The following GPD1L variants were observed in gnomAD, a reference collection of about 807,000 sequenced individuals.
GPD1L encodes the protein glycerol-3-phosphate dehydrogenase 1 like.
GPD1L carries 17 observed loss-of-function variants against 32.9 expected under a neutral mutation model. The observed-to-expected ratio is 0.52, with a 90% CI of 0.35 to 0.78. GPD1L has a LOEUF of 0.78. GPD1L is among the 30% of genes least tolerant of loss of function. GPD1L has a pLI of 0.01. For missense variants in GPD1L, 361 were observed against 447.8 expected (o/e 0.81, Z 1.75); for synonymous variants, 187 against 165.9 (o/e 1.13, Z -0.98).
Position 32,165,913 on chromosome 3 carries a change from T to C in GPD1L, c.*3T>C. 2 of 1,517,850 alleles carry C rather than the reference T, an allele frequency of 1.3e-6. No individual in the cohort carries two copies. The highest frequency in any genetic ancestry group is 1.8e-6 in the Non-Finnish European group (2 of 1,091,908). The allele number at this position is 1,517,850 out of a possible 1,614,324, so 94.0% of individuals were successfully genotyped here. A position where few individuals can be genotyped will look rare whatever the true frequency, so the allele number is the denominator to read the frequency against. ...AGAGCCATCCAGAGCATACATAAAG[T>C]GAATCATGCAACGTGTTGGGGGAAG... On this transcript the variant is annotated 3_prime_UTR_variant, in exon 8 of 8. Coordinates refer to ENST00000282541, the MANE Select transcript of GPD1L (RefSeq NM_015141.4).
chr3:32,127,135 C>G lies in GPD1L; in HGVS notation c.48-941C>G, dbSNP rs146989768. 4.3e-4 allele frequency among the ~76,000 whole-genome samples: 65 copies of G among 152,280 alleles called. No individual in the cohort carries two copies. The East Asian group carries it at 0.011, about 26-fold the overall frequency. ...CTTGGCCGCCCCCGCCTTTTGTTGT[C>G]ACCCCCTACTCCATCTCATCAATTT... On this transcript the variant is annotated intron_variant, in intron 1 of 7. Transcript: ENST00000282541.
intron 1 of GPD1L, among the ~76,000 whole-genome samples, chr3:32,108,214 C>T (rs138717761): frequency 1.7e-3 from 255 of 152,048 alleles, no homozygotes; most frequent in African/African-American, 5.8e-3. Context: ...GGCAAAACCC[C>T]GCCTCTACAA....
chr3:32,131,739 T>C (rs1043935640), intron 2 of GPD1L, among the ~76,000 whole-genome samples: 1 of 152,248 alleles, frequency 6.6e-6, no homozygotes, highest in Non-Finnish European at 1.5e-5. Flanking sequence ...ATACAATGTT[T>C]TGTATGAACA....
At chr3:32,149,226 A>G (rs73063448) in intron 5 of GPD1L, among the ~76,000 whole-genome samples, 1,605 of 152,172 alleles carry the variant, frequency 0.011, 16 homozygotes, top group Non-Finnish European at 0.016. Flanking sequence ...TGCCCGACTA[A>G]TTTTGTTTAT....
chr3:32,140,688 A>G (rs1311118367), intron 4 of GPD1L, among the ~76,000 whole-genome samples: 1 of 152,162 alleles, frequency 6.6e-6, no homozygotes, highest in Non-Finnish European at 1.5e-5. Flanking sequence ...CATCCATGGT[A>G]GGGGTCCCCT....
At chr3:32,123,707 C>T (rs564404910) in intron 1 of GPD1L, among the ~76,000 whole-genome samples, 3 of 151,610 alleles carry the variant, frequency 2.0e-5, no homozygotes, top group East Asian at 1.9e-4. Context: ...GACAGACAGA[C>T]AGATAGATAG....
At chr3:32,141,854 A>G (rs1700749026) in intron 4 of GPD1L, among the ~76,000 whole-genome samples, 1 of 152,092 alleles carries the variant, frequency 6.6e-6, no homozygotes, top group African/African-American at 2.4e-5. Flanking sequence ...ACATGGGTGT[A>G]TTGCATGATG....
At chr3:32,116,599 G>T (rs184426463) in intron 1 of GPD1L, among the ~76,000 whole-genome samples, 79 of 152,218 alleles carry the variant, frequency 5.2e-4, no homozygotes, top group African/African-American at 1.9e-3. Context: ...ATAGCAAGCT[G>T]GGGTGGGGAT....
Position 32,154,385 on chromosome 3 carries a change from A to C in GPD1L, c.619-4491A>C, listed in dbSNP as rs11707183. On this transcript the variant is annotated intron_variant, in intron 5 of 7. Coordinates refer to ENST00000282541, the MANE Select transcript of GPD1L (RefSeq NM_015141.4). ...CTTTTCTGAGTACAGCAACATAGAA[A>C]CACTGCTTTGGAGCTCAGGGCCTGT... Among the ~76,000 whole-genome samples, 3 of 151,966 alleles carry C rather than the reference A, an allele frequency of 2.0e-5. No individual in the cohort carries two copies. The East Asian group carries it at 5.8e-4, about 29-fold the overall frequency.
intron 4 of GPD1L, among the ~76,000 whole-genome samples, chr3:32,144,973 G>A (rs1248490674): frequency 6.6e-6 from 1 of 151,244 alleles, no homozygotes; most frequent in Non-Finnish European, 1.5e-5. Flanking sequence ...CAAAGTGCTG[G>A]GATTACAGGC....
At chr3:32,121,578 T>C (rs1418271124) in intron 1 of GPD1L, among the ~76,000 whole-genome samples, 1 of 109,528 alleles carries the variant, frequency 9.1e-6, no homozygotes, top group African/African-American at 4.3e-5. Context: ...TATATTTCTA[T>C]ATATATATTT....
chr3:32,137,020 A>C (rs1391067026), intron 2 of GPD1L, among the ~76,000 whole-genome samples: 4 of 152,178 alleles, frequency 2.6e-5, no homozygotes, highest in Non-Finnish European at 4.4e-5. Context: ...ACTAGCGACC[A>C]GCTTACAGGT....
intron 5 of GPD1L, among the ~76,000 whole-genome samples, chr3:32,148,360 C>T (rs539691502): frequency 3.8e-4 from 58 of 152,074 alleles, no homozygotes; most frequent in Non-Finnish European, 7.5e-4. Flanking sequence ...TTCATTTTTG[C>T]TGGCAGGAAG....
chr3:32,127,279 C>G (rs1559572735), intron 1 of GPD1L, among the ~76,000 whole-genome samples: 1 of 152,188 alleles, frequency 6.6e-6, no homozygotes, highest in African/African-American at 2.4e-5. Flanking sequence ...AAGAAACAAA[C>G]TGTTTCTCAG....
intron 2 of GPD1L, among the ~76,000 whole-genome samples, chr3:32,137,834 A>G (rs1700688664): frequency 6.6e-6 from 1 of 152,194 alleles, no homozygotes; most frequent in Non-Finnish European, 1.5e-5. Context: ...TTTAGTCCTC[A>G]CAGTGGCACT....
intron 2 of GPD1L, among the ~76,000 whole-genome samples, chr3:32,132,461 A>T (rs1158931216): frequency 6.6e-6 from 1 of 152,200 alleles, no homozygotes; most frequent in Non-Finnish European, 1.5e-5. Flanking sequence ...TTACATTTGG[A>T]TACTAGGGTT....
intron 1 of GPD1L, among the ~76,000 whole-genome samples, chr3:32,109,849 G>A (rs1015963902): frequency 6.6e-6 from 1 of 152,244 alleles, no homozygotes; most frequent in East Asian, 1.9e-4. Flanking sequence ...AGATAAGACC[G>A]AAGGAATTGC....
intron 4 of GPD1L, among the ~76,000 whole-genome samples, chr3:32,140,887 T>C (rs1700732945): frequency 6.6e-6 from 1 of 152,208 alleles, no homozygotes; most frequent in African/African-American, 2.4e-5. Flanking sequence ...GTCTTCTGTT[T>C]CCTGAACTAG....
chr3:32,117,192 A>G (rs1700344208), intron 1 of GPD1L, among the ~76,000 whole-genome samples: 1 of 152,214 alleles, frequency 6.6e-6, no homozygotes, highest in Non-Finnish European at 1.5e-5. Context: ...TGCTGGGTAT[A>G]GGTATGCTTT....
Sources: allele counts gnomAD v4.1 joint callset (sites outside exome capture counted in the v4.1 genomes callset), GRCh38; gene constraint gnomAD v4.1.1; transcripts MANE v1.5; gene names NCBI Gene and HGNC (gene_info 2026-07-23, HGNC 2026-07-21).